The following PTP4A1 variants were observed in gnomAD, a reference collection of about 807,000 sequenced individuals.
The protein encoded by PTP4A1 is protein tyrosine phosphatase type IVA 1.
Under a neutral mutation model 20.5 loss-of-function variants are expected in PTP4A1, and 9 were observed. That is an observed-to-expected ratio of 0.44 (90% CI 0.26 to 0.77). PTP4A1 has a LOEUF of 0.77. PTP4A1 is among the 30% of genes least tolerant of loss of function. The pLI, the probability that PTP4A1 is intolerant of heterozygous loss-of-function variation, is 0.19. For missense variants in PTP4A1, 137 were observed against 218.8 expected (o/e 0.63, Z 2.36); for synonymous variants, 78 against 67.4 (o/e 1.16, Z -0.77).
intron 3 of PTP4A1, among the ~76,000 whole-genome samples, chr6:63,554,517 G>T (rs1458766202): frequency 1.3e-5 from 2 of 152,100 alleles, no homozygotes; most frequent in Non-Finnish European, 2.9e-5. Context: ...CATAATTTAG[G>T]CCGGGCACGG....
chr6:63,549,549 T>G, intron 2 of PTP4A1: 2 of 622,586 alleles, frequency 3.2e-6, no homozygotes, highest in Non-Finnish European at 5.7e-6. Context: ...AGGTGATAAA[T>G]GTTGACAAGA....
chr6:63,544,525 C>G (rs1156656227), intron 2 of PTP4A1, among the ~76,000 whole-genome samples: 2 of 152,092 alleles, frequency 1.3e-5, no homozygotes, highest in African/African-American at 2.4e-5. Context: ...TAGAATTTAT[C>G]TAGTTGTCGA....
chr6:63,537,663 A>G (rs932238496), intron 2 of PTP4A1, among the ~76,000 whole-genome samples: 7 of 152,378 alleles, frequency 4.6e-5, no homozygotes, highest in African/African-American at 1.7e-4. Context: ...GTGTGAAACC[A>G]CAAGCTGAGT....
chr6:63,553,224 G>A (rs774257915), intron 3 of PTP4A1, among the ~76,000 whole-genome samples: 8 of 152,102 alleles, frequency 5.3e-5, no homozygotes, highest in Admixed American at 1.3e-4. Context: ...TTAGTTTAAC[G>A]TAATCTGTTG....
intron 2 of PTP4A1, among the ~76,000 whole-genome samples, chr6:63,530,369 T>C (rs1372356896): frequency 6.6e-6 from 1 of 152,184 alleles, no homozygotes; most frequent in Non-Finnish European, 1.5e-5. Flanking sequence ...TATATGATGG[T>C]ACTGGAAGGC....
chr6:63,538,036 A>G (rs930994235), intron 2 of PTP4A1, among the ~76,000 whole-genome samples: 16 of 152,390 alleles, frequency 1.0e-4, no homozygotes, highest in African/African-American at 3.8e-4. Context: ...TTAGTAAGAA[A>G]GAAAGATAAA....
intron 2 of PTP4A1, among the ~76,000 whole-genome samples, chr6:63,536,538 C>A (rs914951744): frequency 1.3e-5 from 2 of 152,104 alleles, no homozygotes; most frequent in Admixed American, 6.6e-5. Flanking sequence ...CAGGAATTTT[C>A]GTGGGGAACA....
chr6:63,567,868 C>T (rs1212595855), upstream of PTP4A1, among the ~76,000 whole-genome samples: 1 of 152,228 alleles, frequency 6.6e-6, no homozygotes, highest in East Asian at 1.9e-4. Flanking sequence ...GCTTCTCCAT[C>T]AGCACTTACT....
Position 63,580,087 on chromosome 6 carries a change from A to G in PTP4A1, c.435A>G (p.Gln145=). The part of the protein sequence containing the change: ...QKRRGAFNSK[Q]LLYLEKYRPK... ...GGCGTGGAGCTTTTAACAGCAAGCAACTTCTGTATTTGGAGAAGTATCGTC... is the reference window on the plus strand; with the variant it reads ...GGCGTGGAGCTTTTAACAGCAAGCAGCTTCTGTATTTGGAGAAGTATCGTC... The change falls in exon 6 of 6, where the codon CAA becomes CAG. Residue 145 remains glutamine (Q), a synonymous_variant. Coordinates refer to ENST00000626021, the MANE Select transcript of PTP4A1 (RefSeq NM_003463.5). 2 of 1,613,244 alleles carry G rather than the reference A, an allele frequency of 1.2e-6. No individual in the cohort carries two copies. The highest frequency in any genetic ancestry group is 1.7e-6 in the Non-Finnish European group (2 of 1,179,670).
At chr6:63,535,722 G>C (rs1421487651) in intron 2 of PTP4A1, among the ~76,000 whole-genome samples, 1 of 152,144 alleles carries the variant, frequency 6.6e-6, no homozygotes, top group Non-Finnish European at 1.5e-5. Flanking sequence ...TTGTGCCTTT[G>C]TGATATCAAA....
chr6:63,561,932 C>G (rs1776973049), intron 3 of PTP4A1, among the ~76,000 whole-genome samples: 1 of 152,100 alleles, frequency 6.6e-6, no homozygotes, highest in African/African-American at 2.4e-5. Context: ...GGCTACAGAC[C>G]TATCGGTGCA....
At chr6:63,563,047 C>T (rs1211037115) in intron 3 of PTP4A1, among the ~76,000 whole-genome samples, 1 of 152,190 alleles carries the variant, frequency 6.6e-6, no homozygotes, top group Non-Finnish European at 1.5e-5. Flanking sequence ...TCTAATCTCT[C>T]CACTTTTCTC....
At chr6:63,573,331 G>C (rs998823719) in intron 1 of PTP4A1, 1 of 152,446 alleles carries the variant, frequency 6.6e-6, no homozygotes, top group Admixed American at 6.5e-5. Context: ...AGGCACGGGT[G>C]GTAACGATCT....
At chr6:63,534,007 C>T (rs1775591550) in intron 2 of PTP4A1, among the ~76,000 whole-genome samples, 1 of 151,890 alleles carries the variant, frequency 6.6e-6, no homozygotes, top group Admixed American at 6.6e-5. Flanking sequence ...CCATGCCTGG[C>T]TAATCTCTGT....
chr6:63,573,641 C>T (rs911956808), intron 1 of PTP4A1: 1 of 152,474 alleles, frequency 6.6e-6, no homozygotes, highest in African/African-American at 2.4e-5. Context: ...CCGCCCCGCC[C>T]TCCTCCCAGG....
chr6:63,541,267 A>G (rs1775959141), intron 2 of PTP4A1, among the ~76,000 whole-genome samples: 1 of 152,120 alleles, frequency 6.6e-6, no homozygotes, highest in African/African-American at 2.4e-5. Flanking sequence ...CAGGTATCTT[A>G]GCTAGATTCC....
chr6:63,578,156 C>A (rs1016924287), intron 2 of PTP4A1, among the ~76,000 whole-genome samples: 1 of 152,074 alleles, frequency 6.6e-6, no homozygotes, highest in African/African-American at 2.4e-5. Context: ...TAAACAACTT[C>A]AGTGTATGAA....
At chr6:63,577,340 T>C (rs1440752074) in intron 2 of PTP4A1, among the ~76,000 whole-genome samples, 1 of 152,220 alleles carries the variant, frequency 6.6e-6, no homozygotes, top group African/African-American at 2.4e-5. Flanking sequence ...AGTTGGTTTT[T>C]CTTGAACCCC....
chr6:63,523,042 T>A (rs935330577), intron 1 of PTP4A1, among the ~76,000 whole-genome samples: 1 of 151,942 alleles, frequency 6.6e-6, no homozygotes, highest in Non-Finnish European at 1.5e-5. Context: ...TTTTTGTATT[T>A]TTAGCAGACA....
Sources: gnomAD v4.1 joint callset for allele counts (sites outside exome capture counted in the v4.1 genomes callset) on GRCh38, gnomAD v4.1.1 for gene constraint, MANE v1.5 for transcripts, NCBI Gene and HGNC (gene_info 2026-07-23, HGNC 2026-07-21) for gene names.